Variants in FYB2 observed in about 807,000 individuals in gnomAD.
FYB2 encodes FYN-binding protein 2.
Under a neutral mutation model 94.1 loss-of-function variants are expected in FYB2, and 103 were observed. The ratio of observed to expected loss-of-function variants is 1.09; its 90% CI spans 0.93 to 1.29. The LOEUF is 1.29. Ranked by LOEUF, FYB2 falls within the 50% of genes most tolerant of loss-of-function variation. The pLI, the probability that FYB2 is intolerant of heterozygous loss-of-function variation, is 0.00. For missense variants in FYB2, 896 were observed against 841.5 expected (o/e 1.06, Z -0.80); for synonymous variants, 293 against 287.9 (o/e 1.02, Z -0.18).
At chr1:56,738,978 C>T (rs186309942) in intron 13 of FYB2, among the ~76,000 whole-genome samples, 132 of 152,128 alleles carry the variant, frequency 8.7e-4, no homozygotes, top group South Asian at 1.5e-3. Context: ...AGGGCAGGTA[C>T]ATTCCAGACC....
At chr1:56,791,260 C>CTTTT (rs34101290) in intron 2 of FYB2, among the ~76,000 whole-genome samples, 4 of 143,760 alleles carry the variant, frequency 2.8e-5, no homozygotes, top group South Asian at 2.2e-4. Context: ...CAGTCCTTAT[C>CTTTT]TTTTTTTTTT....
chr1:56,748,067 C>A (rs1017590156), intron 9 of FYB2, among the ~76,000 whole-genome samples: 1 of 152,126 alleles, frequency 6.6e-6, no homozygotes, highest in Non-Finnish European at 1.5e-5. Context: ...AGTGTCTGTT[C>A]ATATCCTTTG....
At chr1:56,764,750 C>T (rs1218195535) in intron 5 of FYB2, among the ~76,000 whole-genome samples, 1 of 152,036 alleles carries the variant, frequency 6.6e-6, no homozygotes, top group Non-Finnish European at 1.5e-5. Flanking sequence ...CTTCAGCTGC[C>T]GTAACAAAAT....
chr1:56,789,386 T>G (rs532311340), intron 2 of FYB2, among the ~76,000 whole-genome samples: 1 of 152,320 alleles, frequency 6.6e-6, no homozygotes, highest in Non-Finnish European at 1.5e-5. Flanking sequence ...TTCTAGATTC[T>G]TTGTTTGGCA....
chr1:56,737,447 G>C (rs1272387229), intron 14 of FYB2: 6 of 227,020 alleles, frequency 2.6e-5, no homozygotes, highest in Non-Finnish European at 8.4e-6. Context: ...TGCTCAAAGA[G>C]TCATTTTTAG....
the FYB2 span, chr1:56,826,633 A>G: frequency 6.6e-6 from 1 of 152,274 alleles, no homozygotes; most frequent in Non-Finnish European, 1.5e-5. Flanking sequence ...TTCTCTGATG[A>G]CAGCAGAAGG....
chr1:56,720,006 A>C lies in FYB2; in HGVS notation c.2165+16T>G, dbSNP rs1205875386. 1 of 1,586,398 alleles carries C rather than the reference A, an allele frequency of 6.3e-7. No individual in the cohort carries two copies. ...TTAGGAACTCATGATTTAAAGTATA[A>C]AATCAAACAGCTTACTTGAAATCTA... On this transcript the variant is annotated intron_variant, in intron 19 of 19. Transcript: ENST00000343433.
chr1:56,751,574 C>T (rs941682297), intron 8 of FYB2, among the ~76,000 whole-genome samples: 5 of 152,136 alleles, frequency 3.3e-5, no homozygotes, highest in Non-Finnish European at 5.9e-5. Flanking sequence ...TCACTGGTTC[C>T]ACAGTTAGTA....
intron 12 of FYB2, among the ~76,000 whole-genome samples, chr1:56,741,516 G>A (rs949481241): frequency 6.6e-6 from 1 of 151,944 alleles, no homozygotes; most frequent in Non-Finnish European, 1.5e-5. Context: ...GGGCCTTTAG[G>A]GGGTAGAGTG....
At chr1:56,738,988 C>T (rs1280950030) in intron 13 of FYB2, among the ~76,000 whole-genome samples, 1 of 151,812 alleles carries the variant, frequency 6.6e-6, no homozygotes, top group African/African-American at 2.4e-5. Context: ...CATTCCAGAC[C>T]ATGAGAATGT....
At chr1:56,808,724 T>C (rs1646700472) in intron 1 of FYB2, among the ~76,000 whole-genome samples, 1 of 152,196 alleles carries the variant, frequency 6.6e-6, no homozygotes, top group Admixed American at 6.5e-5. Flanking sequence ...TACTGTATGC[T>C]GTAATAGAAA....
intron 4 of FYB2, among the ~76,000 whole-genome samples, chr1:56,772,172 G>A (rs913557922): frequency 6.6e-5 from 10 of 152,090 alleles, no homozygotes; most frequent in South Asian, 6.2e-4. Flanking sequence ...ATCTCATTTG[G>A]TCTATGGTAA....
At position 56,767,746 on chromosome 1, in the gene FYB2, C is replaced by T. The variant is rs554422663; in HGVS notation, c.1063+83G>A. ...GGATGGCTGTGCATTTTTAAACTTA[C>T]AGTTAGCTAAAGGGAAAATATCATT... On this transcript the variant is annotated intron_variant, in intron 5 of 19. Coordinates refer to ENST00000343433, the MANE Select transcript of FYB2 (RefSeq NM_001004303.5). 161 of 1,067,306 alleles carry T rather than the reference C, an allele frequency of 1.5e-4. 3 individuals are homozygous for T. In the South Asian group the frequency reaches 2.2e-3, roughly 14 times the overall value. The allele number at this position is 1,067,306 out of a possible 1,614,324, so 66.1% of individuals were successfully genotyped here. A position where few individuals can be genotyped will look rare whatever the true frequency, so the allele number is the denominator to read the frequency against.
At chr1:56,751,924 C>T (rs1012444363) in intron 8 of FYB2, among the ~76,000 whole-genome samples, 2 of 151,932 alleles carry the variant, frequency 1.3e-5, no homozygotes, top group Non-Finnish European at 2.9e-5. Flanking sequence ...GTTCTCTTGG[C>T]TGGGAGATGG....
intron 1 of FYB2, among the ~76,000 whole-genome samples, chr1:56,810,892 C>T (rs757067599): frequency 1.2e-4 from 19 of 152,250 alleles, no homozygotes; most frequent in African/African-American, 2.9e-4. Flanking sequence ...CCCCTTTCCA[C>T]GATCCTTCAC....
At chr1:56,771,997 C>T (rs1413359394) in intron 4 of FYB2, among the ~76,000 whole-genome samples, 1 of 151,814 alleles carries the variant, frequency 6.6e-6, no homozygotes, top group Non-Finnish European at 1.5e-5. Context: ...TGTAATAATT[C>T]TAAAGATGTA....
rs748963038 is a variant in FYB2 at position 56,720,326 on chromosome 1, C to T, written c.1978G>A (p.Asp660Asn). 1.4e-5 allele frequency: 22 copies of T among 1,592,972 alleles called. No individual in the cohort carries two copies. Among genetic ancestry groups the T allele is most frequent in the East Asian group, 4.5e-5 (2 of 44,552 alleles). ...GTATTGATGACAATAATCTCTTTGT[C>T]GTACTGAAATGAGAAATTACTAATC... ...EKLFRERFKY[D>N]KEIIVINTAV... The change falls in exon 18 of 20, where the codon GAC becomes AAC. Residue 660 changes from aspartate (D) to asparagine (N), a missense_variant. Transcript: ENST00000343433.
intron 14 of FYB2, 68 bp from the exon 15 acceptor site, chr1:56,737,215 A>G (rs1417001410): frequency 1.9e-5 from 22 of 1,134,268 alleles, no homozygotes; most frequent in East Asian, 2.6e-5. Context: ...GACTTTCCAA[A>G]TTATACTCAA....
chr1:56,732,748 A>G (rs1361084927), intron 15 of FYB2, among the ~76,000 whole-genome samples: 1 of 152,108 alleles, frequency 6.6e-6, no homozygotes, highest in Non-Finnish European at 1.5e-5. Context: ...TTTTCAGTAA[A>G]TGGTGCTAGG....
Sources: gnomAD v4.1 joint callset for allele counts (sites outside exome capture counted in the v4.1 genomes callset) on GRCh38, gnomAD v4.1.1 for gene constraint, MANE v1.5 for transcripts, NCBI Gene and HGNC (gene_info 2026-07-23, HGNC 2026-07-21) for gene names.